Variants in CRYAB observed in about 807,000 individuals in gnomAD.
CRYAB encodes the protein alpha-crystallin B chain.
A neutral mutation model predicts 12.7 loss-of-function variants in CRYAB; 9 were observed. The observed-to-expected ratio is 0.71, with a 90% CI of 0.43 to 1.24. The LOEUF is 1.24. Among genes scored for constraint, CRYAB ranks in the 50% most tolerant of loss-of-function variants. CRYAB has a pLI of 0.00. For missense variants in CRYAB, 183 were observed against 226.6 expected (o/e 0.81, Z 1.24); for synonymous variants, 93 against 86.8 (o/e 1.07, Z -0.40).
At chr11:111,913,235 C>T (rs552715511), upstream of CRYAB, 91 of 612,544 alleles carry the variant, frequency 1.5e-4, 1 homozygote, top group East Asian at 2.5e-3. Context: ...TCCTTCTCCT[C>T]CTCCTCCTCC....
chr11:111,921,592 T>C (rs934112506), intron 1 of CRYAB, among the ~76,000 whole-genome samples: 2 of 152,152 alleles, frequency 1.3e-5, no homozygotes, highest in African/African-American at 2.4e-5. Context: ...CCTATAGACA[T>C]AGGACATCTA....
At chr11:111,913,676 C>T (rs1248180238), upstream of CRYAB, 14 of 1,614,070 alleles carry the variant, frequency 8.7e-6, no homozygotes, top group Admixed American at 3.3e-5. Context: ...TGGACCGCCA[C>T]GGCTTCGTGT....
chr11:111,913,913 C>T (rs782692517), upstream of CRYAB: 4 of 1,576,374 alleles, frequency 2.5e-6, no homozygotes, highest in South Asian at 3.5e-5. Flanking sequence ...AGACCCAGCA[C>T]CCAGCAAATC....
chr11:111,911,651 T>C lies in CRYAB; in HGVS notation c.74A>G (p.Asp25Gly). Residue 25 changes from aspartate (D) to glycine (G), a missense_variant, in exon 1 of 3, where the codon GAC becomes GGC. Coordinates refer to ENST00000650687, the MANE Select transcript of CRYAB (RefSeq NM_001289808.2). Reference protein sequence around the residue: ...FPFHSPSRLFDQFFGEHLLES... With the variant: ...FPFHSPSRLFGQFFGEHLLES... Reference sequence around the variant, plus strand: ...CAACAGGTGCTCTCCGAAGAACTGGTCAAAGAGGCGGCTGGGGGAGTGGAA... The same window carrying C: ...CAACAGGTGCTCTCCGAAGAACTGGCCAAAGAGGCGGCTGGGGGAGTGGAA... 3 of 1,610,494 alleles carry C rather than the reference T, an allele frequency of 1.9e-6. No homozygotes were observed. The highest frequency in any genetic ancestry group is 2.5e-6 in the Non-Finnish European group (3 of 1,178,618).
chr11:111,910,978 C>A (rs1478590406), intron 1 of CRYAB: 1 of 238,866 alleles, frequency 4.2e-6, no homozygotes, highest in Non-Finnish European at 8.2e-6. Context: ...TGTTCTTCCA[C>A]CCTCTTAGGA....
upstream of CRYAB, chr11:111,912,689 CAAGAGGCTCGG>C: frequency 7.5e-6 from 4 of 535,170 alleles, no homozygotes; most frequent in East Asian, 4.0e-5. Context: ...CCTCCCCCCC[CAAGAGGCTCGG>C]CACTATTTTG....
At chr11:111,921,113 G>A (rs1004813728) in intron 1 of CRYAB, among the ~76,000 whole-genome samples, 8 of 152,240 alleles carry the variant, frequency 5.3e-5, no homozygotes, top group African/African-American at 1.9e-4. Flanking sequence ...TCTGGAAGAT[G>A]TCATGTTATA....
intron 1 of CRYAB, among the ~76,000 whole-genome samples, chr11:111,920,720 C>T (rs1965682725): frequency 6.6e-6 from 1 of 152,108 alleles, no homozygotes; most frequent in South Asian, 2.1e-4. Context: ...ACCATGATCA[C>T]ACCACTGCAC....
At chr11:111,916,208 C>G (rs1228541211), upstream of CRYAB, among the ~76,000 whole-genome samples, 1 of 152,034 alleles carries the variant, frequency 6.6e-6, no homozygotes, top group East Asian at 1.9e-4. Context: ...TGAGGCTTCC[C>G]TTTCCCAGCT....
intron 1 of CRYAB, among the ~76,000 whole-genome samples, chr11:111,918,420 G>A (rs1020064265): frequency 6.6e-6 from 1 of 152,154 alleles, no homozygotes; most frequent in Non-Finnish European, 1.5e-5. Flanking sequence ...ATTTCAAATA[G>A]CAAGGGAGAA....
At chr11:111,909,333 C>T in intron 2 of CRYAB, 1 of 435,692 alleles carries the variant, frequency 2.3e-6, no homozygotes, top group East Asian at 7.0e-5. Context: ...CCTGACTCTT[C>T]AGGAATGTCC....
At chr11:111,920,638 C>T (rs916259281) in intron 1 of CRYAB, among the ~76,000 whole-genome samples, 1 of 152,058 alleles carries the variant, frequency 6.6e-6, no homozygotes, top group African/African-American at 2.4e-5. Flanking sequence ...GTGGTGCGTG[C>T]TTGTAATCCC....
At chr11:111,917,750 G>A (rs781895316), upstream of CRYAB, among the ~76,000 whole-genome samples, 7 of 151,974 alleles carry the variant, frequency 4.6e-5, no homozygotes, top group African/African-American at 1.5e-4. Context: ...AGAGGCTGAG[G>A]GGGGAGAATC....
At chr11:111,911,850 T>C, upstream of CRYAB, 1 of 686,458 alleles carries the variant, frequency 1.5e-6, no homozygotes, top group South Asian at 1.8e-5. Context: ...TTTATTATCC[T>C]AGCTCACCAG....
At chr11:111,919,962 G>T (rs887456108) in intron 1 of CRYAB, among the ~76,000 whole-genome samples, 1 of 151,844 alleles carries the variant, frequency 6.6e-6, no homozygotes, top group African/African-American at 2.4e-5. Flanking sequence ...TTGGGAGGCC[G>T]AGGCGGGTGG....
At chr11:111,922,452 A>C (rs797041778) in intron 1 of CRYAB, among the ~76,000 whole-genome samples, 23 of 152,308 alleles carry the variant, frequency 1.5e-4, no homozygotes, top group African/African-American at 5.3e-4. Flanking sequence ...CATTGCAGAA[A>C]ATTTAACTTC....
chr11:111,915,253 C>A (rs587717238), upstream of CRYAB, among the ~76,000 whole-genome samples: 1 of 152,266 alleles, frequency 6.6e-6, no homozygotes, highest in African/African-American at 2.4e-5. Flanking sequence ...CACATACCCC[C>A]CTTAGGGATC....
upstream of CRYAB, chr11:111,912,809 G>C (rs1965508121): frequency 6.3e-7 from 1 of 1,578,812 alleles, no homozygotes; most frequent in Non-Finnish European, 8.6e-7. Context: ...TCGGACCAGG[G>C]CTTCTGCTGC....
chr11:111,909,818 A>G lies in CRYAB; in HGVS notation c.324+509T>C, dbSNP rs558751318. On this transcript the variant is annotated intron_variant, in intron 2 of 2. Coordinates refer to ENST00000650687, the MANE Select transcript of CRYAB (RefSeq NM_001289808.2). ...AGTGCTTTTAGGGTACCTGTAGTTA[A>G]TGTAATTATGCAAAGCAACTAGGTG... 49 of 280,554 alleles carry G rather than the reference A, an allele frequency of 1.7e-4. No homozygotes were observed. The South Asian group carries it at 2.4e-3, about 14-fold the overall frequency. The allele number at this position is 280,554 out of a possible 1,614,324, so 17.4% of individuals were successfully genotyped here.
Sources: gnomAD v4.1 joint callset for allele counts (sites outside exome capture counted in the v4.1 genomes callset) on GRCh38, gnomAD v4.1.1 for gene constraint, MANE v1.5 for transcripts, NCBI Gene and HGNC (gene_info 2026-07-23, HGNC 2026-07-21) for gene names.